The following POLR3B variants were observed in gnomAD, a reference collection of about 807,000 sequenced individuals.
The protein encoded by POLR3B is RNA polymerase III subunit B.
Under a neutral mutation model 147.4 loss-of-function variants are expected in POLR3B, and 96 were observed. The observed-to-expected ratio is 0.65, with a 90% CI of 0.55 to 0.77. The LOEUF (loss-of-function observed/expected upper bound fraction) is 0.77, where lower values mean the gene tolerates loss of function less well. Ranked by LOEUF, POLR3B falls within the 30% of genes least tolerant of loss-of-function variation. The probability of loss-of-function intolerance (pLI) is 0.00; values close to 1 mark genes in which losing one functional copy is unlikely to be tolerated. For synonymous variants in POLR3B, 461 were observed against 485.9 expected, an observed-to-expected ratio of 0.95 and a Z score of 0.67; for missense variants, 1,036 against 1,413.5, an observed-to-expected ratio of 0.73 and a Z score of 4.28.
intron 13 of POLR3B, among the ~76,000 whole-genome samples, chr12:106,429,003 C>G (rs1340927383): frequency 6.6e-6 from 1 of 152,090 alleles, no homozygotes; most frequent in Non-Finnish European, 1.5e-5. Flanking sequence ...CCACAAGAGT[C>G]CAAAAATGAA....
At chr12:106,422,633 T>C (rs1253541623) in intron 12 of POLR3B, among the ~76,000 whole-genome samples, 1 of 152,224 alleles carries the variant, frequency 6.6e-6, no homozygotes, top group Non-Finnish European at 1.5e-5. Context: ...GTATAGTCTT[T>C]CATTTCCTCG....
At chr12:106,376,595 T>C in intron 7 of POLR3B, 145 bp downstream of exon 7, 1 of 700,866 alleles carries the variant, frequency 1.4e-6, no homozygotes, top group Non-Finnish European at 2.6e-6. Context: ...AATTTGTCTC[T>C]AGCTTTATGC....
intron 6 of POLR3B, among the ~76,000 whole-genome samples, chr12:106,375,037 G>T (rs1437052086): frequency 6.6e-6 from 1 of 152,148 alleles, no homozygotes; most frequent in Non-Finnish European, 1.5e-5. Flanking sequence ...ACTTCTCTCA[G>T]TTTTTGTCTG....
At position 106,437,061 on chromosome 12, in the gene POLR3B, T is replaced by C; in HGVS notation, c.1786T>C (p.Tyr596His). ...SSDGGRLCRP[Y>H]IIVKKQKPAV... is the part of the protein sequence containing the mutation. ...GGTTTGCTGTTTCCATTCTAGACCC[T>C]ACATAATTGTCAAGAAACAGAAGCC... The change falls in exon 17 of 28, where the codon TAC becomes CAC. Residue 596 changes from tyrosine (Y) to histidine (H), a missense_variant. By Grantham distance (83) the Tyr-to-His change is moderately conservative (BLOSUM62 2). This residue lies in a region of POLR3B where 177 missense variants were observed against 232.7 expected (regional missense o/e 0.76). Transcript: ENST00000228347. 6.2e-7 allele frequency: 1 copy of C among 1,612,666 alleles called. No individual in the cohort carries two copies. Among genetic ancestry groups the C allele is most frequent in the Non-Finnish European group, 8.5e-7 (1 of 1,179,090 alleles).
At chr12:106,509,272 TATATG>T (rs1319372497) in intron 27 of POLR3B, 143 bp from the exon 28 acceptor site, 3 of 817,532 alleles carry the variant, frequency 3.7e-6, no homozygotes, top group African/African-American at 1.7e-5. Flanking sequence ...CATACGTACT[TATATG>T]ATAGTGCAAC....
At chr12:106,450,096 T>C (rs1349578151) in intron 19 of POLR3B, among the ~76,000 whole-genome samples, 1 of 152,208 alleles carries the variant, frequency 6.6e-6, no homozygotes, top group Non-Finnish European at 1.5e-5. Context: ...CAAACATTTA[T>C]GGGCAATTGA....
chr12:106,430,909 C>G (rs1185456771), intron 14 of POLR3B, among the ~76,000 whole-genome samples: 1 of 152,072 alleles, frequency 6.6e-6, no homozygotes. Context: ...TTTTGACTCA[C>G]TTATATTGGA....
At chr12:106,401,540 G>T (rs1246807554) in intron 10 of POLR3B, among the ~76,000 whole-genome samples, 2 of 152,184 alleles carry the variant, frequency 1.3e-5, no homozygotes, top group Non-Finnish European at 2.9e-5. Context: ...TATCCTTGAT[G>T]AACATTGATG....
intron 12 of POLR3B, among the ~76,000 whole-genome samples, chr12:106,423,079 T>G (rs2037392659): frequency 6.6e-6 from 1 of 152,200 alleles, no homozygotes; most frequent in African/African-American, 2.4e-5. Flanking sequence ...AATAAAAATA[T>G]GAACATTTTC....
chr12:106,394,910 TG>T (rs776876098), intron 10 of POLR3B, among the ~76,000 whole-genome samples: 149 of 152,346 alleles, frequency 9.8e-4, no homozygotes, highest in Admixed American at 1.8e-3. Flanking sequence ...CCAAAATAGT[TG>T]GTATGTAGAA....
At chr12:106,470,741 T>C (rs1464143710) in intron 23 of POLR3B, among the ~76,000 whole-genome samples, 1 of 152,144 alleles carries the variant, frequency 6.6e-6, no homozygotes, top group East Asian at 1.9e-4. Context: ...TGGAGTATGC[T>C]GGAAGTCCAC....
intron 10 of POLR3B, among the ~76,000 whole-genome samples, chr12:106,401,115 G>A (rs927714859): frequency 6.6e-6 from 1 of 152,030 alleles, no homozygotes; most frequent in African/African-American, 2.4e-5. Flanking sequence ...GAATCAAATA[G>A]ACGCAATAAA....
At position 106,357,969 on chromosome 12, in the gene POLR3B, A is replaced by T. The variant is rs2036410346; in HGVS notation, c.72+18A>T. 5 of 1,610,478 alleles carry T rather than the reference A, an allele frequency of 3.1e-6. No individual in the cohort carries two copies. Among genetic ancestry groups the T allele is most frequent in the Non-Finnish European group, 4.2e-6 (5 of 1,179,696 alleles). ...CTGTAGAGGTCAGTGCCAGGCACGCAGGGAGCGTCAGGGACAAGGATGCGC... is the reference window on the plus strand; with the variant it reads ...CTGTAGAGGTCAGTGCCAGGCACGCTGGGAGCGTCAGGGACAAGGATGCGC... On this transcript the variant is annotated intron_variant, in intron 1 of 27. Transcript: ENST00000228347.
intron 9 of POLR3B, among the ~76,000 whole-genome samples, chr12:106,383,996 GAAA>G (rs1042291348): frequency 7.0e-6 from 1 of 143,128 alleles, no homozygotes; most frequent in Non-Finnish European, 1.5e-5. Context: ...AAAAGAGAGA[GAAA>G]AAAAAAAAGA....
chr12:106,469,039 G>A (rs1413973430), intron 23 of POLR3B, among the ~76,000 whole-genome samples: 1 of 151,986 alleles, frequency 6.6e-6, no homozygotes, highest in African/African-American at 2.4e-5. Context: ...TTGACAGTGG[G>A]GTGTTAAAGT....
chr12:106,380,374 G>C (rs1353078904), intron 9 of POLR3B, among the ~76,000 whole-genome samples: 1 of 142,388 alleles, frequency 7.0e-6, no homozygotes, highest in Non-Finnish European at 1.5e-5. Context: ...AGGAGTTTGA[G>C]ACCAGCTTGT....
At chr12:106,426,698 G>A (rs1248906870) in intron 12 of POLR3B, among the ~76,000 whole-genome samples, 1 of 152,116 alleles carries the variant, frequency 6.6e-6, no homozygotes, top group African/African-American at 2.4e-5. Context: ...GTATAACTAG[G>A]AGAGGAACTG....
chr12:106,480,198 T>C (rs2038247052), intron 23 of POLR3B, among the ~76,000 whole-genome samples: 2 of 152,022 alleles, frequency 1.3e-5, no homozygotes, highest in Admixed American at 6.6e-5. Context: ...CTCGATAGGA[T>C]TTTCCTCTCC....
chr12:106,487,780 C>T (rs773439897), intron 23 of POLR3B, among the ~76,000 whole-genome samples: 7 of 152,122 alleles, frequency 4.6e-5, no homozygotes, highest in South Asian at 2.1e-4. Flanking sequence ...AAAGAGGAAG[C>T]GGAACAGTGG....
Sources: gnomAD v4.1 joint callset for allele counts (sites outside exome capture counted in the v4.1 genomes callset) on GRCh38, gnomAD v4.1.1 for gene constraint, gnomAD v4.1.1 regional missense constraint, MANE v1.5 for transcripts, NCBI Gene and HGNC (gene_info 2026-07-23, HGNC 2026-07-21) for gene names.